TTC36: variants seen among roughly 807,000 people sequenced by gnomAD.
TTC36 encodes tetratricopeptide repeat domain 36.
TTC36 carries 15 observed loss-of-function variants against 17.5 expected under a neutral mutation model. That is an observed-to-expected ratio of 0.86 (90% confidence interval 0.57 to 1.32). TTC36 has a LOEUF of 1.32. Among genes scored for constraint, TTC36 ranks in the 40% most tolerant of loss-of-function variants. TTC36 has a pLI of 0.00. For missense variants in TTC36, 292 were observed against 260.9 expected, an observed-to-expected ratio of 1.12 and a Z score of -0.82; for synonymous variants, 112 against 109.8, an observed-to-expected ratio of 1.02 and a Z score of -0.13.
In TTC36 at chr11:118,528,765, C is replaced by A; in HGVS notation, c.281C>A (p.Ala94Asp). The A allele has an allele frequency of 6.2e-7, 1 of 1,610,964 alleles. No individual in the cohort carries two copies. Among genetic ancestry groups the A allele is most frequent in the Non-Finnish European group, 8.5e-7 (1 of 1,178,846 alleles). Residue 94 changes from alanine to aspartate, a missense_variant, in exon 2 of 3, where the codon GCC (alanine) becomes GAC (aspartate). Transcript: ENST00000302783. ...RASAYNNRAQARRLQGDVAGA... is the reference protein window; with the variant it reads ...RASAYNNRAQDRRLQGDVAGA... ...TCAGCCTACAACAACCGTGCCCAGG[C>A]CCGGCGACTCCAGGGAGACGTGGCA...
At chr11:118,529,945 G>A (rs1057335465) in intron 2 of TTC36, among the ~76,000 whole-genome samples, 42 of 152,250 alleles carry the variant, frequency 2.8e-4, no homozygotes, top group Admixed American at 3.9e-4. Flanking sequence ...CTGGCTGCCT[G>A]AAGTTCTGAG....
intron 2 of TTC36, among the ~76,000 whole-genome samples, chr11:118,529,437 T>C (rs1397010546): frequency 6.6e-6 from 1 of 152,012 alleles, no homozygotes; most frequent in Admixed American, 6.6e-5. Flanking sequence ...GAAGGATGAG[T>C]GGGAGTTAGT....
At chr11:118,528,283 C>A (rs1054232528) in intron 1 of TTC36, among the ~76,000 whole-genome samples, 1 of 152,170 alleles carries the variant, frequency 6.6e-6, no homozygotes, top group Non-Finnish European at 1.5e-5. Context: ...CAAATCCAAG[C>A]TCTGCAACGT....
intron 1 of TTC36, 22 bp from the exon 2 acceptor site, chr11:118,528,581 C>G (rs1951129755): frequency 6.5e-7 from 1 of 1,538,186 alleles, no homozygotes; most frequent in African/African-American, 1.4e-5. Context: ...CCTGGCTTCT[C>G]CTGGCTCCTT....
At position 118,530,947 on chromosome 11, in the gene TTC36, G is replaced by T; in HGVS notation, c.*31G>T. The T allele has an allele frequency of 6.8e-7, 1 of 1,477,936 alleles. No homozygotes were observed. Among genetic ancestry groups the T allele is most frequent in the East Asian group, 2.8e-5 (1 of 35,944 alleles). 91.6% of individuals were successfully genotyped at this position (1,477,936 alleles called of 1,614,324 possible). ...GCGGACCCGGGCGTCCGCGGGCGAGGGGACGGGACTGGGCCCTGAACCAAT... is the reference window on the plus strand; with the variant it reads ...GCGGACCCGGGCGTCCGCGGGCGAGTGGACGGGACTGGGCCCTGAACCAAT... On this transcript the variant is annotated 3_prime_UTR_variant, in exon 3 of 3. Transcript: ENST00000302783. This position sits in a 1 kb window ranked among gnomAD's most constrained non-coding sequence, Gnocchi z 5.8.
Position 118,530,907 on chromosome 11 carries a change from C to T in TTC36, c.561C>T (p.Asp187=). The change falls in exon 3 of 3, where the codon GAC becomes GAT. Residue 187 remains aspartate, a synonymous_variant. Transcript: ENST00000302783. This position sits in a 1 kb window ranked among gnomAD's most constrained non-coding sequence, Gnocchi z 5.8. ...DMMGQLRRPR[D]SR is the part of the protein sequence containing the mutation. The stretch of plus-strand genomic sequence containing the variant: ...TGGGGCAGCTGCGCCGCCCCCGTGA[C>T]AGCCGCTGAGCGCCGCGGACCCGGG... 1 of 1,502,364 alleles carries T rather than the reference C, an allele frequency of 6.7e-7. No individual in the cohort carries two copies. Among genetic ancestry groups the T allele is most frequent in the Non-Finnish European group, 8.8e-7 (1 of 1,133,160 alleles). 93.1% of individuals were successfully genotyped at this position (1,502,364 alleles called of 1,614,324 possible).
Position 118,528,700 on chromosome 11 carries a change from G to A in TTC36, c.216G>A (p.Glu72=), listed in dbSNP as rs1171977485. Residue 72 remains glutamate, a synonymous_variant, in exon 2 of 3, where the codon GAG becomes GAA. Transcript: ENST00000302783. ...AEAGDLSTAL[E]RFGQAICLLP... is the part of the protein sequence containing the mutation. ...CTGGGGACCTCAGCACAGCCCTGGA[G>A]AGGTTTGGCCAAGCCATCTGCCTGC... 2.5e-5 allele frequency: 41 copies of A among 1,613,494 alleles called. No individual in the cohort carries two copies. The highest frequency in any genetic ancestry group is 3.4e-5 in the Non-Finnish European group (40 of 1,179,832).
intron 1 of TTC36, 59 bp downstream of exon 1, chr11:118,527,671 G>A: frequency 8.1e-7 from 1 of 1,234,384 alleles, no homozygotes; most frequent in South Asian, 1.2e-5. Context: ...GCCTCCCGAG[G>A]TAGCAGAGAG....
chr11:118,528,935 G>T (rs887698617), intron 2 of TTC36, 144 bp downstream of exon 2: 2 of 667,776 alleles, frequency 3.0e-6, no homozygotes, highest in African/African-American at 3.7e-5. Context: ...TAGTATCAGG[G>T]GACCTGCTAA....
intron 2 of TTC36, among the ~76,000 whole-genome samples, chr11:118,529,136 A>G (rs553771262): frequency 1.3e-5 from 2 of 152,198 alleles, no homozygotes; most frequent in African/African-American, 2.4e-5. Flanking sequence ...CTAGTAAATC[A>G]ATCCTCACAA....
chr11:118,529,222 C>T (rs1951147834), intron 2 of TTC36, among the ~76,000 whole-genome samples: 2 of 152,216 alleles, frequency 1.3e-5, no homozygotes, highest in African/African-American at 2.4e-5. Flanking sequence ...GGCTAAGTAA[C>T]TTGCCCACTA....
At chr11:118,529,319 C>T (rs554177731) in intron 2 of TTC36, among the ~76,000 whole-genome samples, 1 of 152,146 alleles carries the variant, frequency 6.6e-6, no homozygotes, top group African/African-American at 2.4e-5. Flanking sequence ...TGATACTGCT[C>T]CTCGAAAAGC....
At position 118,528,709 on chromosome 11, in the gene TTC36, C is replaced by T. The variant is rs1374362651; in HGVS notation, c.225C>T (p.Gly75=). The T allele has an allele frequency of 6.2e-7, 1 of 1,613,550 alleles. No individual in the cohort carries two copies. The highest frequency in any genetic ancestry group is 1.7e-5 in the Admixed American group (1 of 60,008). The change falls in exon 2 of 3, where the codon GGC becomes GGT. Residue 75 remains glycine (G), a synonymous_variant. Coordinates refer to ENST00000302783, the MANE Select transcript of TTC36 (RefSeq NM_001080441.4). ...GDLSTALERF[G]QAICLLPERA... ...TCAGCACAGCCCTGGAGAGGTTTGG[C>T]CAAGCCATCTGCCTGCTGCCTGAGA...
In TTC36 at chr11:118,530,789, GGGCGGCAC is replaced by G; in HGVS notation, c.447_454del (p.Ala150GlyfsTer35). ...GACGACGCCCGCAGGGACTTCGAGA[GGGCGGCAC>G]GGCTGGGCAGCCCCTTCGCGCGGCG... On this transcript the variant is annotated frameshift_variant, in exon 3 of 3. Coordinates refer to ENST00000302783, the MANE Select transcript of TTC36 (RefSeq NM_001080441.4). LOFTEE classifies it high-confidence loss of function. The surrounding 1 kb of genome is among the most constrained non-coding windows in gnomAD (Gnocchi z 5.8). 1 of 1,507,692 alleles carries G rather than the reference GGGCGGCAC, an allele frequency of 6.6e-7. No homozygotes were observed. Among genetic ancestry groups the G allele is most frequent in the Non-Finnish European group, 8.8e-7 (1 of 1,136,996 alleles). 93.4% of individuals were successfully genotyped at this position (1,507,692 alleles called of 1,614,324 possible).
Position 118,530,931 on chromosome 11 carries a change from G to A in TTC36, c.*15G>A. The A allele has an allele frequency of 6.7e-7, 1 of 1,482,574 alleles. No homozygotes were observed. The highest frequency in any genetic ancestry group is 8.9e-7 in the Non-Finnish European group (1 of 1,126,200). The allele number at this position is 1,482,574 out of a possible 1,614,324, so 91.8% of individuals were successfully genotyped here. ...ACAGCCGCTGAGCGCCGCGGACCCG[G>A]GCGTCCGCGGGCGAGGGGACGGGAC... On this transcript the variant is annotated 3_prime_UTR_variant, in exon 3 of 3. Coordinates refer to ENST00000302783, the MANE Select transcript of TTC36 (RefSeq NM_001080441.4). The surrounding 1 kb of genome is among the most constrained non-coding windows in gnomAD (Gnocchi z 5.8).
At chr11:118,529,071 C>T (rs1403944064) in intron 2 of TTC36, among the ~76,000 whole-genome samples, 2 of 152,148 alleles carry the variant, frequency 1.3e-5, no homozygotes, top group Non-Finnish European at 2.9e-5. Context: ...ATATGGATCA[C>T]CAACATTTAT....
intron 1 of TTC36, 108 bp downstream of exon 1, chr11:118,527,720 A>AT: frequency 2.4e-6 from 2 of 816,474 alleles, no homozygotes; most frequent in East Asian, 4.9e-5. Context: ...CATGATTATG[A>AT]TTGAGATTGG....
In TTC36 at chr11:118,530,692, G is replaced by A. The variant is rs1254694687; in HGVS notation, c.346G>A (p.Gly116Ser). The change falls in exon 3 of 3, where the codon GGC becomes AGC. Residue 116 changes from glycine (G) to serine (S), a missense_variant. Gly to Ser is a moderately conservative substitution (Grantham distance 56). Transcript: ENST00000302783. This position sits in a 1 kb window ranked among gnomAD's most constrained non-coding sequence, Gnocchi z 5.8. ...TCTGGAACGCGCGGTGGAGCTGAGC[G>A]GCGGCCGGGGCCGCGCCGCCCGCCA... ...EDLERAVELS[G>S]GRGRAARQSF... The A allele has an allele frequency of 3.4e-6, 5 of 1,476,028 alleles. No individual in the cohort carries two copies. Among genetic ancestry groups the A allele is most frequent in the Non-Finnish European group, 3.6e-6 (4 of 1,122,504 alleles). 91.4% of individuals were successfully genotyped at this position (1,476,028 alleles called of 1,614,324 possible).
Position 118,530,949 on chromosome 11 carries a change from G to T in TTC36, c.*33G>T. On this transcript the variant is annotated 3_prime_UTR_variant, in exon 3 of 3. Transcript: ENST00000302783. This position sits in a 1 kb window ranked among gnomAD's most constrained non-coding sequence, Gnocchi z 5.8. ...GGACCCGGGCGTCCGCGGGCGAGGG[G>T]ACGGGACTGGGCCCTGAACCAATAA... The T allele has an allele frequency of 6.1e-6, 9 of 1,476,638 alleles. No individual in the cohort carries two copies. Among genetic ancestry groups the T allele is most frequent in the Non-Finnish European group, 8.0e-6 (9 of 1,123,628 alleles). The allele number at this position is 1,476,638 out of a possible 1,614,324, so 91.5% of individuals were successfully genotyped here.
Sources: allele counts gnomAD v4.1 joint callset (sites outside exome capture counted in the v4.1 genomes callset), GRCh38; gene constraint gnomAD v4.1.1; non-coding constraint Gnocchi (gnomAD v3.1); transcripts MANE v1.5; gene names NCBI Gene and HGNC (gene_info 2026-07-23, HGNC 2026-07-21).